SHC3: variants seen among roughly 807,000 people sequenced by gnomAD.
SHC3 encodes SHC adaptor protein 3, also known as SHC-transforming protein 3.
SHC3 carries 15 observed loss-of-function variants against 60.4 expected under a neutral mutation model. That is an observed-to-expected ratio of 0.25 (90% CI 0.17 to 0.38). The LOEUF is 0.38. SHC3 is among the 10% of genes least tolerant of loss of function. The probability of loss-of-function intolerance (pLI) is 1.00; values close to 1 mark genes in which losing one functional copy is unlikely to be tolerated. For missense variants in SHC3, 677 were observed against 786.1 expected, an observed-to-expected ratio of 0.86 and a Z score of 1.66; for synonymous variants, 294 against 325.9, an observed-to-expected ratio of 0.90 and a Z score of 1.05.
intron 1 of SHC3, among the ~76,000 whole-genome samples, chr9:89,159,492 C>T (rs1826673355): frequency 6.6e-6 from 1 of 152,102 alleles, no homozygotes. Context: ...CTCCGTTCTG[C>T]CGGGCTTGAG....
rs1825999285 is a variant in SHC3, at chr9:89,010,378, T to A, written c.*3069A>T. On this transcript the variant is annotated 3_prime_UTR_variant, in exon 12 of 12. Transcript: ENST00000375835. ...GAATCAAAGCTGACTTAAACCACAA[T>A]GAGCACCCCCATGAGAGGCCCAGCC... 1 of 152,196 alleles carries A rather than the reference T, an allele frequency of 6.6e-6. No individual in the cohort carries two copies. The highest frequency in any genetic ancestry group is 1.9e-4 in the East Asian group (1 of 5,190). The allele number at this position is 152,196 out of a possible 1,614,324, so 9.4% of individuals were successfully genotyped here.
chr9:89,052,268 C>T, intron 6 of SHC3, 105 bp from the exon 7 acceptor site: 2 of 1,405,634 alleles, frequency 1.4e-6, no homozygotes, highest in Non-Finnish European at 1.9e-6. Flanking sequence ...GAGGTGCATG[C>T]TTCTTCCATA....
intron 1 of SHC3, among the ~76,000 whole-genome samples, chr9:89,155,939 A>C (rs1206245149): frequency 6.6e-6 from 1 of 152,180 alleles, no homozygotes; most frequent in Non-Finnish European, 1.5e-5. Context: ...ACTGTCAACC[A>C]GGGTATTTTT....
At chr9:89,130,356 C>T (rs554880751) in intron 1 of SHC3, among the ~76,000 whole-genome samples, 29 of 152,150 alleles carry the variant, frequency 1.9e-4, no homozygotes, top group Non-Finnish European at 3.4e-4. Context: ...GACAGATCAA[C>T]GAGACAGAAA....
intron 1 of SHC3, among the ~76,000 whole-genome samples, chr9:89,129,701 A>G (rs1374618801): frequency 6.6e-6 from 1 of 152,218 alleles, no homozygotes; most frequent in Non-Finnish European, 1.5e-5. Context: ...ACAGAAAAAC[A>G]AATGCTGAGA....
Position 89,169,007 on chromosome 9 carries a change from G to A in SHC3, c.474+8980C>T, listed in dbSNP as rs551239009. 1.2e-3 allele frequency among the ~76,000 whole-genome samples: 189 copies of A among 152,316 alleles called. 1 individual carries two copies. The highest frequency in any genetic ancestry group is 4.5e-3 in the African/African-American group (185 of 41,572). On this transcript the variant is annotated intron_variant, in intron 1 of 11. Transcript: ENST00000375835. ...ATCAGAACTGGAACTGACACCATAAGCTTTCCTGGGTCTGGCCCACCCTGC... is the reference window on the plus strand; with the variant it reads ...ATCAGAACTGGAACTGACACCATAAACTTTCCTGGGTCTGGCCCACCCTGC...
At chr9:89,070,352 G>A (rs1170434737) in intron 5 of SHC3, among the ~76,000 whole-genome samples, 1 of 152,142 alleles carries the variant, frequency 6.6e-6, no homozygotes, top group Non-Finnish European at 1.5e-5. Context: ...TTCTGGAAAG[G>A]GCTGACTTGG....
intron 2 of SHC3, among the ~76,000 whole-genome samples, chr9:89,097,499 C>T (rs927133601): frequency 2.0e-5 from 3 of 152,088 alleles, no homozygotes; most frequent in Non-Finnish European, 2.9e-5. Context: ...TTTAAAAGGC[C>T]CTGGGGGCAG....
At chr9:89,070,782 C>T (rs1038861182) in intron 5 of SHC3, among the ~76,000 whole-genome samples, 11 of 152,090 alleles carry the variant, frequency 7.2e-5, no homozygotes, top group African/African-American at 2.2e-4. Context: ...ATTTTAAATG[C>T]TTATGAATAA....
At chr9:89,063,240 C>T (rs1825121301) in intron 6 of SHC3, among the ~76,000 whole-genome samples, 1 of 152,166 alleles carries the variant, frequency 6.6e-6, no homozygotes, top group African/African-American at 2.4e-5. Flanking sequence ...AGCGATTCTT[C>T]TGCCTCAGCC....
chr9:89,046,732 T>C, intron 8 of SHC3, 112 bp downstream of exon 8: 1 of 1,241,768 alleles, frequency 8.1e-7, no homozygotes. Flanking sequence ...CATGATTTAC[T>C]GTGTCAAAAA....
rs766798910 is a variant in SHC3, at chr9:89,178,469, G to T, written c.-9C>A. ...TTGGTGCGTGGAAGCATGCCCCTCCGTGGGCTCGCTGCATCCGCCCGGGCG... is the reference window on the plus strand; with the variant it reads ...TTGGTGCGTGGAAGCATGCCCCTCCTTGGGCTCGCTGCATCCGCCCGGGCG... On this transcript the variant is annotated 5_prime_UTR_variant, in exon 1 of 12. Transcript: ENST00000375835. The surrounding 1 kb of genome is among the most constrained non-coding windows in gnomAD (Gnocchi z 6.9). The T allele has an allele frequency of 2.1e-6, 3 of 1,430,278 alleles. No individual in the cohort carries two copies. Among genetic ancestry groups the T allele is most frequent in the South Asian group, 1.6e-5 (1 of 63,924 alleles). The allele number at this position is 1,430,278 out of a possible 1,614,324, so 88.6% of individuals were successfully genotyped here. A position where few individuals can be genotyped will look rare whatever the true frequency, so the allele number is the denominator to read the frequency against.
chr9:89,177,869 G>C (rs779683959), intron 1 of SHC3, 118 bp downstream of exon 1: 23 of 1,129,414 alleles, frequency 2.0e-5, no homozygotes, highest in African/African-American at 3.3e-5. Context: ...GCATTTGCTT[G>C]CCTCTAACGT....
chr9:89,021,276 C>A (rs1431102501), intron 11 of SHC3, among the ~76,000 whole-genome samples: 1 of 152,166 alleles, frequency 6.6e-6, no homozygotes, highest in Admixed American at 6.5e-5. Context: ...AAAGCCCAGG[C>A]TACCTTGGGA....
chr9:89,177,961 C>A, intron 1 of SHC3, 26 bp downstream of exon 1: 1 of 1,209,832 alleles, frequency 8.3e-7, no homozygotes, highest in South Asian at 4.1e-5. Flanking sequence ...CCCCCAGCCC[C>A]CAGGGCGGCC....
At chr9:89,132,295 G>C (rs1162586617) in intron 1 of SHC3, among the ~76,000 whole-genome samples, 1 of 152,178 alleles carries the variant, frequency 6.6e-6, no homozygotes, top group Admixed American at 6.5e-5. Context: ...CCATGCTCAT[G>C]GATAGGGAGA....
intron 2 of SHC3, among the ~76,000 whole-genome samples, chr9:89,112,125 T>C (rs1825956026): frequency 6.6e-6 from 1 of 152,230 alleles, no homozygotes; most frequent in Admixed American, 6.5e-5. Context: ...CCTACTCCCA[T>C]GGCTGTTTCT....
intron 1 of SHC3, among the ~76,000 whole-genome samples, chr9:89,123,323 G>T (rs569421574): frequency 9.7e-4 from 147 of 152,318 alleles, no homozygotes; most frequent in Non-Finnish European, 1.8e-3. Context: ...GGACCTCCAT[G>T]GTGTGATCAG....
At chr9:89,035,824 A>C (rs1446711442) in intron 11 of SHC3, among the ~76,000 whole-genome samples, 1 of 64,966 alleles carries the variant, frequency 1.5e-5, no homozygotes, top group South Asian at 6.4e-4. Context: ...AAAAACAAAC[A>C]AACAAAATAT....
Sources: gnomAD v4.1 joint callset for allele counts (sites outside exome capture counted in the v4.1 genomes callset) on GRCh38, gnomAD v4.1.1 for gene constraint, Gnocchi (gnomAD v3.1) non-coding constraint, MANE v1.5 for transcripts, NCBI Gene and HGNC (gene_info 2026-07-23, HGNC 2026-07-21) for gene names.